CA5B: variants seen among roughly 807,000 people sequenced by gnomAD.
The protein encoded by CA5B is carbonic anhydrase 5B, mitochondrial.
In CA5B, 15 loss-of-function variants were observed where a neutral mutation model predicts 23.1. That is an observed-to-expected ratio of 0.65 (90% CI 0.43 to 1.00). The LOEUF (loss-of-function observed/expected upper bound fraction) is 1.00. Ranked by LOEUF, CA5B falls within the 50% of genes least tolerant of loss-of-function variation. The probability of loss-of-function intolerance (pLI) is 0.00; values close to 1 mark genes in which losing one functional copy is unlikely to be tolerated. For synonymous variants in CA5B, 84 were observed against 98.5 expected, an observed-to-expected ratio of 0.85 and a Z score of 0.87; for missense variants, 236 against 252.2, an observed-to-expected ratio of 0.94 and a Z score of 0.43.
rs192296008 is a variant in CA5B, at chrX:15,768,891, T to C, written c.341-3605T>C. ...GCTGCCACAGTGTGCTTTGTGAGGA[T>C]TGGAATAAAGTGCAAGGAAAAGGAG... is the stretch of plus-strand genomic sequence containing the variant. On this transcript the variant is annotated intron_variant, in intron 3 of 7. Coordinates refer to ENST00000318636, the MANE Select transcript of CA5B (RefSeq NM_007220.4). 6 of 111,725 alleles carry C rather than the reference T, an allele frequency of 5.4e-5. No individual in the cohort carries two copies. The East Asian group carries it at 1.7e-3, about 31-fold the overall frequency. The allele number at this position is 111,725 out of a possible 1,213,427, so 9.2% of individuals were successfully genotyped here.
chrX:15,776,338 C>CAAA (rs1204466142), intron 6 of CA5B, among the ~76,000 whole-genome samples: 2 of 43,638 alleles, frequency 4.6e-5, no homozygotes, highest in African/African-American at 8.8e-5. Context: ...GACTCTGTCT[C>CAAA]AAAAAAAAAA....
chrX:15,772,417 A>G lies in CA5B; in HGVS notation c.341-79A>G, dbSNP rs751828159. 3 of 581,061 alleles carry G rather than the reference A, an allele frequency of 5.2e-6. No individual in the cohort carries two copies. The South Asian group carries it at 8.1e-5, about 16-fold the overall frequency. 47.9% of individuals were successfully genotyped at this position (581,061 alleles called of 1,213,427 possible). A position where few individuals can be genotyped will look rare whatever the true frequency, so the allele number is the denominator to read the frequency against. On this transcript the variant is annotated intron_variant, in intron 3 of 7. Transcript: ENST00000318636. ...TTAAGACAGTTCACATGGAGGGTCCATTGGAGATTTGGCCTTTCACCCACA... is the reference window on the plus strand; with the variant it reads ...TTAAGACAGTTCACATGGAGGGTCCGTTGGAGATTTGGCCTTTCACCCACA...
intron 3 of CA5B, among the ~76,000 whole-genome samples, chrX:15,766,155 CAAAAAAAAAAAAA>C (rs58783397): frequency 2.4e-5 from 1 of 41,240 alleles, no homozygotes; most frequent in Non-Finnish European, 4.3e-5. Flanking sequence ...GACTCTGTCT[CAAAAAAAAAAAAA>C]AAAAAAAAAA....
intron 2 of CA5B, among the ~76,000 whole-genome samples, chrX:15,752,416 G>A (rs1931379160): frequency 8.9e-6 from 1 of 112,096 alleles, no homozygotes; most frequent in Non-Finnish European, 1.9e-5. Flanking sequence ...CTGCATGGGG[G>A]AAAATTTGTA....
In CA5B at chrX:15,767,974, C is replaced by T. The variant is rs145487135; in HGVS notation, c.340+3199C>T. On this transcript the variant is annotated intron_variant, in intron 3 of 7. Transcript: ENST00000318636. ...AGTGCAGTGGCGTGATCTTGGCTCA[C>T]TGCAACCTTCACCTCCTGGCTTCAG... Among the ~76,000 whole-genome samples, 367 of 100,955 alleles carry T rather than the reference C, an allele frequency of 3.6e-3. 2 individuals carry two copies. The highest frequency in any genetic ancestry group is 0.013 in the African/African-American group (350 of 27,021). 87.7% of individuals were successfully genotyped at this position (100,955 alleles called of 115,157 possible).
intron 1 of CA5B, among the ~76,000 whole-genome samples, chrX:15,742,702 A>G (rs1366912471): frequency 1.8e-5 from 2 of 112,711 alleles, no homozygotes; most frequent in African/African-American, 6.4e-5. Flanking sequence ...AAAAATGTAA[A>G]TTACTGTATG....
intron 1 of CA5B, among the ~76,000 whole-genome samples, chrX:15,738,720 C>A (rs923826139): frequency 8.1e-5 from 9 of 111,286 alleles, no homozygotes; most frequent in African/African-American, 2.9e-4. Context: ...CCAAATAACT[C>A]CAGAAAGTCC....
intron 3 of CA5B, chrX:15,767,044 C>G (rs1264823751): frequency 2.3e-6 from 2 of 870,580 alleles, no homozygotes; most frequent in Non-Finnish European, 2.9e-6. Context: ...CTACTTGTCC[C>G]CCATGGGGCT....
intron 2 of CA5B, among the ~76,000 whole-genome samples, chrX:15,758,064 C>G (rs1356955932): frequency 9.0e-6 from 1 of 111,222 alleles, no homozygotes. Flanking sequence ...CTGAACTAGG[C>G]CGCTGTTCTG....
chrX:15,783,509 T>A lies in CA5B; in HGVS notation c.*845T>A, dbSNP rs1164368002. On this transcript the variant is annotated 3_prime_UTR_variant, in exon 8 of 8. Transcript: ENST00000318636. ...TGCAGAACATTTTAAAGAAAATGCC[T>A]GGCTGGGCACAGTGGCTCACACCTG... is the stretch of plus-strand genomic sequence containing the variant. 2 of 111,668 alleles carry A rather than the reference T, an allele frequency of 1.8e-5. No homozygotes were observed. The highest frequency in any genetic ancestry group is 6.5e-5 in the African/African-American group (2 of 30,700). 9.2% of individuals were successfully genotyped at this position (111,668 alleles called of 1,213,427 possible). A position where few individuals can be genotyped will look rare whatever the true frequency, so the allele number is the denominator to read the frequency against.
At chrX:15,774,013 G>T (rs1312646558) in intron 4 of CA5B, among the ~76,000 whole-genome samples, 3 of 112,411 alleles carry the variant, frequency 2.7e-5, no homozygotes, top group African/African-American at 9.7e-5. Context: ...ATCAAGATGG[G>T]ACTGGACAAA....
intron 2 of CA5B, among the ~76,000 whole-genome samples, chrX:15,759,670 C>T (rs1931560232): frequency 9.2e-6 from 1 of 108,608 alleles, no homozygotes; most frequent in Non-Finnish European, 1.9e-5. Context: ...TAAAATCAAG[C>T]ACTTCCTCAA....
At chrX:15,740,335 G>A (rs1254630846) in intron 1 of CA5B, among the ~76,000 whole-genome samples, 1 of 112,132 alleles carries the variant, frequency 8.9e-6, no homozygotes, top group Non-Finnish European at 1.9e-5. Flanking sequence ...ATTATTTTTG[G>A]TTTCACAAAC....
intron 1 of CA5B, among the ~76,000 whole-genome samples, chrX:15,740,357 G>GA (rs1202681797): frequency 8.9e-6 from 1 of 112,616 alleles, no homozygotes; most frequent in Non-Finnish European, 1.9e-5. Flanking sequence ...TGGGTTTTAT[G>GA]AATGCAGTGA....
chrX:15,774,297 T>G lies in CA5B; in HGVS notation c.460-5T>G, dbSNP rs1333488849. 1.2e-5 allele frequency: 15 copies of G among 1,206,302 alleles called. No individual in the cohort carries two copies. In the South Asian group the frequency reaches 2.3e-4, roughly 19 times the overall value. On this transcript the variant is annotated splice_region_variant and splice_polypyrimidine_tract_variant and intron_variant, in intron 4 of 7. Transcript: ENST00000318636. The stretch of plus-strand genomic sequence containing the variant: ...CGTGTTAACCCTCTTTTCATGGTGT[T>G]TCAGCTGCACTTAGTGCATTGGAAC...
At chrX:15,769,122 C>T (rs915769762) in intron 3 of CA5B, among the ~76,000 whole-genome samples, 10 of 111,412 alleles carry the variant, frequency 9.0e-5, no homozygotes, top group Non-Finnish European at 1.1e-4. Flanking sequence ...TAATAAAGAA[C>T]GAGCAGAAAT....
chrX:15,765,170 A>C (rs1274479954), intron 3 of CA5B: 1 of 119,202 alleles, frequency 8.4e-6, no homozygotes, highest in Non-Finnish European at 1.7e-5. Context: ...AATCAGAGTT[A>C]ACTTAGCAGA....
In CA5B at chrX:15,741,943, C is replaced by G. The variant is rs745831325; in HGVS notation, c.-54+3591C>G. ...TGGCTATCTTTGAATACCAAGTACC[C>G]TGTCCAACTATACTGTCACTGCCCA... On this transcript the variant is annotated intron_variant, in intron 1 of 7. Coordinates refer to ENST00000318636, the MANE Select transcript of CA5B (RefSeq NM_007220.4). Among the ~76,000 whole-genome samples the G allele has an allele frequency of 2.7e-5, 3 of 112,025 alleles. No homozygotes were observed. In the Admixed American group the frequency reaches 2.8e-4, roughly 11 times the overall value.
chrX:15,773,826 T>C (rs1396007694), intron 4 of CA5B, among the ~76,000 whole-genome samples: 1 of 111,749 alleles, frequency 8.9e-6, no homozygotes, highest in Non-Finnish European at 1.9e-5. Context: ...AATGCTGAGA[T>C]TACAGGTGTG....
Sources: allele counts gnomAD v4.1 joint callset (sites outside exome capture counted in the v4.1 genomes callset), GRCh38; gene constraint gnomAD v4.1.1; transcripts MANE v1.5; gene names NCBI Gene and HGNC (gene_info 2026-07-23, HGNC 2026-07-21).